The following SYNPR variants were observed in gnomAD, a reference collection of about 807,000 sequenced individuals.
SYNPR encodes synaptoporin.
Under a neutral mutation model 32.9 loss-of-function variants are expected in SYNPR, and 23 were observed. The observed-to-expected ratio is 0.70, with a 90% CI of 0.50 to 0.99. SYNPR has a LOEUF of 0.99. Ranked by LOEUF, SYNPR falls within the 50% of genes least tolerant of loss-of-function variation. The pLI is 0.00. For synonymous variants in SYNPR, 146 were observed against 135.9 expected (o/e 1.07, Z -0.52); for missense variants, 318 against 349.3 (o/e 0.91, Z 0.71).
At chr3:63,414,867 T>A (rs917297184) in intron 2 of SYNPR, among the ~76,000 whole-genome samples, 19 of 152,284 alleles carry the variant, frequency 1.2e-4, no homozygotes, top group African/African-American at 4.6e-4. Flanking sequence ...ATATTTTGAA[T>A]CTTACCACTT....
chr3:63,602,210 G>A (rs1045862253), intron 4 of SYNPR, among the ~76,000 whole-genome samples: 5 of 151,810 alleles, frequency 3.3e-5, no homozygotes, highest in Admixed American at 6.6e-5. Flanking sequence ...TTTGATTGTT[G>A]ATTTGTTTAA....
chr3:63,245,031 G>T (rs974324976), intron 1 of SYNPR, among the ~76,000 whole-genome samples: 1 of 152,104 alleles, frequency 6.6e-6, no homozygotes, highest in Non-Finnish European at 1.5e-5. Context: ...ATAAAAGAAA[G>T]ACGTTTTCTG....
chr3:63,382,705 G>A (rs1389865612), intron 2 of SYNPR, among the ~76,000 whole-genome samples: 2 of 152,088 alleles, frequency 1.3e-5, no homozygotes, highest in African/African-American at 2.4e-5. Flanking sequence ...TCCTCCTTTC[G>A]GAGTCGTCTT....
At chr3:63,560,111 T>A (rs940276886) in intron 4 of SYNPR, among the ~76,000 whole-genome samples, 1 of 152,228 alleles carries the variant, frequency 6.6e-6, no homozygotes, top group Non-Finnish European at 1.5e-5. Flanking sequence ...CAATGGTAGG[T>A]TTTGTTTCAT....
chr3:63,410,966 G>A (rs972555927), intron 2 of SYNPR, among the ~76,000 whole-genome samples: 4 of 152,136 alleles, frequency 2.6e-5, no homozygotes, highest in Non-Finnish European at 4.4e-5. Context: ...ATAATTTGGG[G>A]CATTATTCCT....
intron 1 of SYNPR, among the ~76,000 whole-genome samples, chr3:63,250,185 T>C (rs1575575809): frequency 6.6e-6 from 1 of 152,158 alleles, no homozygotes; most frequent in African/African-American, 2.4e-5. Context: ...GAAAGAATTA[T>C]GAATGTTCAG....
intron 2 of SYNPR, among the ~76,000 whole-genome samples, chr3:63,288,703 C>T (rs1575587300): frequency 6.6e-6 from 1 of 152,216 alleles, no homozygotes; most frequent in East Asian, 1.9e-4. Context: ...GTAAATTCAG[C>T]TCTGGCCCTT....
At chr3:63,466,344 C>G (rs1700678305) in intron 2 of SYNPR, among the ~76,000 whole-genome samples, 1 of 151,982 alleles carries the variant, frequency 6.6e-6, no homozygotes, top group African/African-American at 2.4e-5. Context: ...TTCTCAGGGC[C>G]TGGGTTTTGC....
intron 4 of SYNPR, among the ~76,000 whole-genome samples, chr3:63,592,001 A>G (rs551757893): frequency 2.0e-5 from 3 of 151,928 alleles, no homozygotes; most frequent in Admixed American, 6.6e-5. Flanking sequence ...GTCTTTGCAG[A>G]TGTAATTCAG....
chr3:63,280,581 C>T (rs1252216462), intron 2 of SYNPR, among the ~76,000 whole-genome samples: 3 of 151,956 alleles, frequency 2.0e-5, no homozygotes, highest in South Asian at 2.1e-4. Context: ...AGACTTTTCT[C>T]GTATTTATTC....
At chr3:63,373,587 A>G (rs1428143024) in intron 2 of SYNPR, among the ~76,000 whole-genome samples, 1 of 152,228 alleles carries the variant, frequency 6.6e-6, no homozygotes, top group East Asian at 1.9e-4. Context: ...TTACGTAAAA[A>G]GATCAAATTT....
intron 4 of SYNPR, among the ~76,000 whole-genome samples, chr3:63,607,488 C>T (rs889538245): frequency 6.6e-6 from 1 of 152,080 alleles, no homozygotes; most frequent in Non-Finnish European, 1.5e-5. Flanking sequence ...GTTTATACCT[C>T]TACCTCATCT....
intron 2 of SYNPR, among the ~76,000 whole-genome samples, chr3:63,430,986 C>T (rs1699982945): frequency 6.6e-6 from 1 of 152,162 alleles, no homozygotes; most frequent in African/African-American, 2.4e-5. Flanking sequence ...TCATGAATCC[C>T]CCACAGGGAA....
intron 3 of SYNPR, among the ~76,000 whole-genome samples, chr3:63,525,440 C>A (rs1269368586): frequency 6.6e-6 from 1 of 152,068 alleles, no homozygotes; most frequent in Non-Finnish European, 1.5e-5. Flanking sequence ...TAATGGACAG[C>A]CTTGACTAAG....
chr3:63,315,654 T>G (rs1244801492), intron 2 of SYNPR, among the ~76,000 whole-genome samples: 1 of 151,958 alleles, frequency 6.6e-6, no homozygotes. Flanking sequence ...TCCTTAGGGT[T>G]TTCAAGGTAA....
intron 3 of SYNPR, among the ~76,000 whole-genome samples, chr3:63,516,375 G>A (rs1013598270): frequency 1.6e-4 from 25 of 152,126 alleles, no homozygotes; most frequent in African/African-American, 5.8e-4. Flanking sequence ...GGAGCTTCTT[G>A]TAAGCAAAGT....
At chr3:63,571,071 A>AATCACAATAAG (rs781235024) in intron 4 of SYNPR, among the ~76,000 whole-genome samples, 27 of 152,164 alleles carry the variant, frequency 1.8e-4, no homozygotes, top group Non-Finnish European at 3.5e-4. Context: ...GGGTTTTGAA[A>AATCACAATAAG]ATCACAATAA....
intron 2 of SYNPR, among the ~76,000 whole-genome samples, chr3:63,415,784 A>G (rs1193110199): frequency 6.6e-6 from 1 of 152,242 alleles, no homozygotes; most frequent in Non-Finnish European, 1.5e-5. Flanking sequence ...AAATATTTAG[A>G]TCTAGGTAAT....
Position 63,429,513 on chromosome 3 carries a change from A to G in SYNPR, c.85-51319A>G, listed in dbSNP as rs567038926. Among the ~76,000 whole-genome samples, 30 of 152,310 alleles carry G rather than the reference A, an allele frequency of 2.0e-4. 2 individuals carry two copies. The South Asian group carries it at 5.6e-3, about 28-fold the overall frequency. On this transcript the variant is annotated intron_variant, in intron 2 of 5. Coordinates refer to ENST00000478300, the MANE Select transcript of SYNPR (RefSeq NM_001130003.2). Reference sequence around the variant, plus strand: ...ATCCCTAGGGAACAATTCTTCCTTAATAGACATGATTTCTGATAGTCAAAG... The same window carrying G: ...ATCCCTAGGGAACAATTCTTCCTTAGTAGACATGATTTCTGATAGTCAAAG...
Sources: gnomAD v4.1 joint callset for allele counts (sites outside exome capture counted in the v4.1 genomes callset) on GRCh38, gnomAD v4.1.1 for gene constraint, MANE v1.5 for transcripts, NCBI Gene and HGNC (gene_info 2026-07-23, HGNC 2026-07-21) for gene names.